The following CFAP57 variants were observed in gnomAD, a reference collection of about 807,000 sequenced individuals.
The protein encoded by CFAP57 is cilia- and flagella-associated protein 57.
Under a neutral mutation model 146.8 loss-of-function variants are expected in CFAP57, and 116 were observed. That is an observed-to-expected ratio of 0.79 (90% confidence interval 0.68 to 0.92). CFAP57 has a LOEUF of 0.92. CFAP57 is among the 40% of genes least tolerant of loss of function. The pLI is 0.00. For synonymous variants in CFAP57, 518 were observed against 552.8 expected (o/e 0.94, Z 0.88); for missense variants, 1,377 against 1,527.2 (o/e 0.90, Z 1.64).
chr1:43,229,457 C>A lies in CFAP57; in HGVS notation c.3009+2331C>A, dbSNP rs1295708684. 3.4e-5 allele frequency among the ~76,000 whole-genome samples: 5 copies of A among 148,626 alleles called. 1 individual carries two copies. The highest frequency in any genetic ancestry group is 1.3e-4 in the African/African-American group (5 of 39,726). ...GAGCCTCTGACCTTGGGGCTTCCCTCTGGGGGTCATAGACACCTTTGGTTC... is the reference window on the plus strand; with the variant it reads ...GAGCCTCTGACCTTGGGGCTTCCCTATGGGGGTCATAGACACCTTTGGTTC... On this transcript the variant is annotated intron_variant, in intron 18 of 22. Coordinates refer to ENST00000372492, the MANE Select transcript of CFAP57 (RefSeq NM_001378189.1).
Position 43,186,768 on chromosome 1 carries a change from T to C in CFAP57, c.1031T>C (p.Leu344Pro). ...SQSDKQDVLC[L>P]CFSPSEETLV... Reference sequence around the variant, plus strand: ...TCTGACAAACAGGACGTTCTCTGCCTGTGCTTCAGCCCCTCAGAGGAAACT... The same window carrying C: ...TCTGACAAACAGGACGTTCTCTGCCCGTGCTTCAGCCCCTCAGAGGAAACT... The change falls in exon 6 of 23, where the codon CTG becomes CCG. Residue 344 changes from leucine to proline, a missense_variant. Coordinates refer to ENST00000372492, the MANE Select transcript of CFAP57 (RefSeq NM_001378189.1). 1 of 1,614,226 alleles carries C rather than the reference T, an allele frequency of 6.2e-7. No homozygotes were observed. Among genetic ancestry groups the C allele is most frequent in the Non-Finnish European group, 8.5e-7 (1 of 1,180,052 alleles).
intron 8 of CFAP57, among the ~76,000 whole-genome samples, 191 bp from the exon 9 acceptor site, chr1:43,199,199 A>G (rs147355377): frequency 1.3e-5 from 2 of 152,308 alleles, no homozygotes; most frequent in African/African-American, 2.4e-5. Flanking sequence ...TCTGGCCACT[A>G]TGAGTTACAG....
At chr1:43,191,684 A>G (rs1460981625) in intron 6 of CFAP57, among the ~76,000 whole-genome samples, 1 of 150,566 alleles carries the variant, frequency 6.6e-6, no homozygotes, top group Non-Finnish European at 1.5e-5. Flanking sequence ...CTCTTTAAAG[A>G]ATCAGCTTTC....
intron 4 of CFAP57, 57 bp downstream of exon 4, chr1:43,183,934 A>G: frequency 3.7e-6 from 6 of 1,606,656 alleles, no homozygotes; most frequent in Non-Finnish European, 5.1e-6. Flanking sequence ...AGCATTATGC[A>G]GAAGACAGCA....
chr1:43,185,979 A>T (rs1269773564), intron 5 of CFAP57, among the ~76,000 whole-genome samples: 1 of 151,834 alleles, frequency 6.6e-6, no homozygotes, highest in Non-Finnish European at 1.5e-5. Flanking sequence ...CGTGTCTGTA[A>T]TCCCAGCTAG....
intron 2 of CFAP57, among the ~76,000 whole-genome samples, 195 bp from the exon 3 acceptor site, chr1:43,181,339 C>T (rs115720020): frequency 0.022 from 3,346 of 152,208 alleles, 123 homozygotes; most frequent in African/African-American, 0.077. Context: ...CCTGAAGTGC[C>T]GGGATTACAG....
chr1:43,223,539 C>A (rs1039090824), intron 16 of CFAP57, among the ~76,000 whole-genome samples: 5 of 152,136 alleles, frequency 3.3e-5, no homozygotes, highest in African/African-American at 1.2e-4. Context: ...AACTCAGTTT[C>A]CCCAAAACAT....
chr1:43,179,217 G>A (rs1182672570), intron 2 of CFAP57, among the ~76,000 whole-genome samples: 1 of 152,062 alleles, frequency 6.6e-6, no homozygotes, highest in Non-Finnish European at 1.5e-5. Context: ...ACACCAACAT[G>A]GCACATGTAT....
At chr1:43,253,894 A>G in intron 22 of CFAP57, 83 bp from the exon 23 acceptor site, 1 of 1,255,612 alleles carries the variant, frequency 8.0e-7, no homozygotes, top group African/African-American at 1.5e-5. Flanking sequence ...TAAATGTTTG[A>G]GGAAGCAGGG....
intron 3 of CFAP57, 70 bp downstream of exon 3, chr1:43,181,920 G>A: frequency 6.6e-7 from 1 of 1,524,240 alleles, no homozygotes; most frequent in Non-Finnish European, 9.1e-7. Flanking sequence ...AATGTTTTCT[G>A]TGTACCACAG....
intron 9 of CFAP57, among the ~76,000 whole-genome samples, chr1:43,205,590 T>C (rs974880183): frequency 7.9e-5 from 12 of 152,166 alleles, no homozygotes; most frequent in Admixed American, 7.9e-4. Context: ...CAGGAATCAT[T>C]AGGGCACAGT....
chr1:43,243,633 T>C (rs1453876092), intron 22 of CFAP57, among the ~76,000 whole-genome samples: 1 of 152,190 alleles, frequency 6.6e-6, no homozygotes, highest in Non-Finnish European at 1.5e-5. Flanking sequence ...GCGAATACTT[T>C]ATATAACATT....
intron 15 of CFAP57, 141 bp from the exon 16 acceptor site, chr1:43,222,683 C>A: frequency 1.0e-6 from 1 of 958,614 alleles, no homozygotes; most frequent in Non-Finnish European, 1.5e-6. Flanking sequence ...GGCCCTGTGG[C>A]CATGGTCTCC....
chr1:43,248,968 G>A (rs570708126), intron 22 of CFAP57, among the ~76,000 whole-genome samples: 33 of 151,148 alleles, frequency 2.2e-4, no homozygotes, highest in Non-Finnish European at 3.2e-4. Context: ...TGCAAGCTCC[G>A]CCTCCCGGGT....
At position 43,197,585 on chromosome 1, in the gene CFAP57, T is replaced by A; in HGVS notation, c.1155T>A (p.Tyr385Ter). The change falls in exon 7 of 23, where the codon TAT becomes TAA. Residue 385 changes from tyrosine to a stop codon, truncating the protein, a stop_gained. Transcript: ENST00000372492. LOFTEE classifies it high-confidence loss of function. ...CTGCTCACTTTGAGTATTTGATGTA[T>A]CCATTGCACTCAGCACCCATCACCG... is the stretch of plus-strand genomic sequence containing the variant. ...GEPAHFEYLM[Y>*]PLHSAPITGL... 2 of 1,614,078 alleles carry A rather than the reference T, an allele frequency of 1.2e-6. No homozygotes were observed. Among genetic ancestry groups the A allele is most frequent in the Non-Finnish European group, 1.7e-6 (2 of 1,180,024 alleles).
At chr1:43,176,283 G>A (rs1569789300) in intron 2 of CFAP57, among the ~76,000 whole-genome samples, 1 of 152,130 alleles carries the variant, frequency 6.6e-6, no homozygotes, top group South Asian at 2.1e-4. Flanking sequence ...CAAACTCCAG[G>A]CAGCCACTGT....
chr1:43,212,917 A>T (rs1300247673), intron 11 of CFAP57, among the ~76,000 whole-genome samples: 1 of 143,384 alleles, frequency 7.0e-6, no homozygotes, highest in Non-Finnish European at 1.5e-5. Context: ...AGCCTGGGCA[A>T]CATAGCAGAC....
Position 43,179,679 on chromosome 1 carries a change from T to C in CFAP57, c.158-1855T>C, listed in dbSNP as rs139189807. Among the ~76,000 whole-genome samples the C allele has an allele frequency of 2.6e-4, 39 of 152,276 alleles. No individual in the cohort carries two copies. The East Asian group carries it at 5.8e-3, about 23-fold the overall frequency. On this transcript the variant is annotated intron_variant, in intron 2 of 22. Coordinates refer to ENST00000372492, the MANE Select transcript of CFAP57 (RefSeq NM_001378189.1). ...TCCCTTATGCTTTTTACCTCAAATC[T>C]GTATTTTCAGCCTCAACCCCTCCCG...
At chr1:43,214,589 G>C (rs1644763647) in intron 11 of CFAP57, among the ~76,000 whole-genome samples, 1 of 152,132 alleles carries the variant, frequency 6.6e-6, no homozygotes, top group Admixed American at 6.5e-5. Flanking sequence ...ATCATATACA[G>C]GCTTTTGTGT....
Sources: gnomAD v4.1 joint callset for allele counts (sites outside exome capture counted in the v4.1 genomes callset) on GRCh38, gnomAD v4.1.1 for gene constraint, MANE v1.5 for transcripts, NCBI Gene and HGNC (gene_info 2026-07-23, HGNC 2026-07-21) for gene names.